Variants in SLCO3A1 observed in about 807,000 individuals in gnomAD.
SLCO3A1 encodes the protein solute carrier organic anion transporter family member 3A1.
Under a neutral mutation model 63.1 loss-of-function variants are expected in SLCO3A1, and 27 were observed. That is an observed-to-expected ratio of 0.43 (90% CI 0.32 to 0.59). The LOEUF is 0.59. SLCO3A1 is among the 20% of genes least tolerant of loss of function. The pLI, the probability that SLCO3A1 is intolerant of heterozygous loss-of-function variation, is 0.09. For missense variants in SLCO3A1, 773 were observed against 945.8 expected, an observed-to-expected ratio of 0.82 and a Z score of 2.40; for synonymous variants, 473 against 409.9, an observed-to-expected ratio of 1.15 and a Z score of -1.86.
chr15:92,160,383 G>A (rs2048421199), intron 9 of SLCO3A1, among the ~76,000 whole-genome samples: 1 of 152,040 alleles, frequency 6.6e-6, no homozygotes, highest in Non-Finnish European at 1.5e-5. Context: ...CTTTCAACTG[G>A]AGTGAAATGA....
chr15:91,960,659 T>C (rs977300654), intron 2 of SLCO3A1, among the ~76,000 whole-genome samples: 1 of 152,234 alleles, frequency 6.6e-6, no homozygotes, highest in Non-Finnish European at 1.5e-5. Context: ...CACTATTTCA[T>C]ATGACTAGCT....
At chr15:92,124,374 C>T (rs2047897387) in intron 5 of SLCO3A1, among the ~76,000 whole-genome samples, 1 of 152,102 alleles carries the variant, frequency 6.6e-6, no homozygotes, top group Non-Finnish European at 1.5e-5. Flanking sequence ...GTGTGAAAGC[C>T]TGTGATTGCC....
chr15:91,969,051 A>G (rs1277074490), intron 2 of SLCO3A1, among the ~76,000 whole-genome samples: 1 of 152,156 alleles, frequency 6.6e-6, no homozygotes, highest in Non-Finnish European at 1.5e-5. Flanking sequence ...TTTTGGTGTG[A>G]TTGTATCTGT....
At chr15:91,902,856 C>T (rs953655336) in intron 1 of SLCO3A1, among the ~76,000 whole-genome samples, 10 of 152,162 alleles carry the variant, frequency 6.6e-5, no homozygotes, top group African/African-American at 1.4e-4. Context: ...GCAAGACCTT[C>T]GGCAAATTAC....
At chr15:92,063,928 T>C (rs2047117614) in intron 2 of SLCO3A1, among the ~76,000 whole-genome samples, 1 of 152,212 alleles carries the variant, frequency 6.6e-6, no homozygotes, top group Admixed American at 6.5e-5. Context: ...TGTTTTTTGC[T>C]TTTTCCATTA....
intron 2 of SLCO3A1, among the ~76,000 whole-genome samples, chr15:91,944,875 C>G (rs989526099): frequency 1.3e-5 from 2 of 152,152 alleles, no homozygotes; most frequent in African/African-American, 4.8e-5. Context: ...CCTTGCACTT[C>G]CCTTAAGCTT....
chr15:91,970,418 G>C (rs1900816177), intron 2 of SLCO3A1, among the ~76,000 whole-genome samples: 1 of 152,224 alleles, frequency 6.6e-6, no homozygotes, highest in African/African-American at 2.4e-5. Flanking sequence ...CCGCTGATGG[G>C]AGGTGCCTTT....
intron 1 of SLCO3A1, among the ~76,000 whole-genome samples, chr15:91,911,921 G>A (rs191271682): frequency 8.9e-4 from 135 of 152,098 alleles, no homozygotes; most frequent in African/African-American, 3.1e-3. Flanking sequence ...CACTGCGCCC[G>A]GCCGGGACAT....
rs1357772727 is a variant in SLCO3A1 at position 92,047,096 on chromosome 15, A to G, written c.647-47785A>G. Among the ~76,000 whole-genome samples, 205 of 26,910 alleles carry G rather than the reference A, an allele frequency of 7.6e-3. 50 individuals carry two copies. Among genetic ancestry groups the G allele is most frequent in the Non-Finnish European group, 9.8e-3 (150 of 15,318 alleles). The allele number at this position is 26,910 out of a possible 152,430, so 17.7% of individuals were successfully genotyped here. A position where few individuals can be genotyped will look rare whatever the true frequency, so the allele number is the denominator to read the frequency against. ...AAATATATATAATATATAAATATAT[A>G]TACAAATATATATATAATATATAAA... On this transcript the variant is annotated intron_variant, in intron 2 of 9. Coordinates refer to ENST00000318445, the MANE Select transcript of SLCO3A1 (RefSeq NM_013272.4).
intron 2 of SLCO3A1, among the ~76,000 whole-genome samples, chr15:91,987,444 G>A (rs1231362708): frequency 6.6e-6 from 1 of 152,126 alleles, no homozygotes; most frequent in Admixed American, 6.5e-5. Context: ...TGAGAAGCCT[G>A]TTTTGTTAAT....
chr15:92,047,567 TATA>T lies in SLCO3A1; in HGVS notation c.647-47312_647-47310del, dbSNP rs2046898831. Among the ~76,000 whole-genome samples the T allele has an allele frequency of 3.1e-4, 7 of 22,486 alleles. 1 individual carries two copies. Among genetic ancestry groups the T allele is most frequent in the Admixed American group, 1.5e-3 (1 of 662 alleles). 14.8% of individuals were successfully genotyped at this position (22,486 alleles called of 152,430 possible). The stretch of plus-strand genomic sequence containing the variant: ...TAATATATAAATATATAAATATATA[TATA>T]AATATATATATAATATATATATAAT... On this transcript the variant is annotated intron_variant, in intron 2 of 9. Transcript: ENST00000318445.
chr15:91,871,152 A>G (rs572847184), intron 1 of SLCO3A1, among the ~76,000 whole-genome samples: 13 of 152,130 alleles, frequency 8.5e-5, no homozygotes, highest in East Asian at 1.9e-4. Flanking sequence ...TTTGAAGGCT[A>G]TCTTTTTTCT....
chr15:92,059,494 T>C (rs1301708262), intron 2 of SLCO3A1, among the ~76,000 whole-genome samples: 1 of 152,086 alleles, frequency 6.6e-6, no homozygotes, highest in East Asian at 1.9e-4. Flanking sequence ...ACAGGACACA[T>C]GCCTGGCCCT....
At chr15:92,155,464 C>A (rs1814275123) in intron 9 of SLCO3A1, among the ~76,000 whole-genome samples, 1 of 152,122 alleles carries the variant, frequency 6.6e-6, no homozygotes, top group South Asian at 2.1e-4. Flanking sequence ...GGAAGAGTTA[C>A]AGAGGGCCTT....
chr15:92,116,279 C>T (rs958838249), intron 4 of SLCO3A1, among the ~76,000 whole-genome samples: 1 of 152,208 alleles, frequency 6.6e-6, no homozygotes, highest in Non-Finnish European at 1.5e-5. Context: ...TTTCTCCGTC[C>T]TGAAGGACCC....
At chr15:92,146,509 C>T (rs1489177589) in intron 7 of SLCO3A1, among the ~76,000 whole-genome samples, 1 of 152,238 alleles carries the variant, frequency 6.6e-6, no homozygotes, top group African/African-American at 2.4e-5. Flanking sequence ...CAGCGTGCAG[C>T]CTTTGTTCCA....
At chr15:92,089,349 C>T (rs1014135595) in intron 2 of SLCO3A1, among the ~76,000 whole-genome samples, 1 of 152,214 alleles carries the variant, frequency 6.6e-6, no homozygotes, top group African/African-American at 2.4e-5. Context: ...TAAAGTTCAT[C>T]TGACACTGCG....
intron 2 of SLCO3A1, among the ~76,000 whole-genome samples, chr15:91,919,332 C>T (rs1257450181): frequency 2.0e-5 from 3 of 152,250 alleles, no homozygotes; most frequent in African/African-American, 7.2e-5. Flanking sequence ...CTCTGGCTGG[C>T]ACCATTCTTC....
At chr15:92,089,975 A>G (rs892530806) in intron 2 of SLCO3A1, among the ~76,000 whole-genome samples, 1 of 152,190 alleles carries the variant, frequency 6.6e-6, no homozygotes, top group Non-Finnish European at 1.5e-5. Flanking sequence ...ACTGCTTAGT[A>G]AGTGTTGCTA....
Sources: allele counts gnomAD v4.1 joint callset (sites outside exome capture counted in the v4.1 genomes callset), GRCh38; gene constraint gnomAD v4.1.1; transcripts MANE v1.5; gene names NCBI Gene and HGNC (gene_info 2026-07-23, HGNC 2026-07-21).